The following ADAMTS17 variants were observed in gnomAD, a reference collection of about 807,000 sequenced individuals.
ADAMTS17 encodes ADAM metallopeptidase with thrombospondin type 1 motif 17.
Under a neutral mutation model 141.5 loss-of-function variants are expected in ADAMTS17, and 113 were observed. The ratio of observed to expected loss-of-function variants is 0.80; its 90% CI spans 0.69 to 0.93. The LOEUF (loss-of-function observed/expected upper bound fraction) is 0.93. ADAMTS17 is among the 40% of genes least tolerant of loss of function. ADAMTS17 has a pLI of 0.00. For missense variants in ADAMTS17, 1,659 were observed against 1,517.9 expected, an observed-to-expected ratio of 1.09 and a Z score of -1.54; for synonymous variants, 768 against 630.6, an observed-to-expected ratio of 1.22 and a Z score of -3.27.
chr15:100,258,124 G>GGAC (rs1415877031), intron 6 of ADAMTS17, among the ~76,000 whole-genome samples: 2 of 152,170 alleles, frequency 1.3e-5, no homozygotes, highest in Non-Finnish European at 2.9e-5. Flanking sequence ...ATCCATCAAT[G>GGAC]GACATATAGG....
chr15:100,090,270 G>T (rs997729160), intron 15 of ADAMTS17, among the ~76,000 whole-genome samples: 8 of 152,170 alleles, frequency 5.3e-5, no homozygotes, highest in Non-Finnish European at 1.0e-4. Flanking sequence ...ATCTTTTTCA[G>T]AGGAATCTCC....
At chr15:100,194,803 C>A (rs1378768964) in intron 8 of ADAMTS17, among the ~76,000 whole-genome samples, 1 of 152,172 alleles carries the variant, frequency 6.6e-6, no homozygotes, top group African/African-American at 2.4e-5. Flanking sequence ...CCCAGCTGGG[C>A]AGTTTCTCTC....
At chr15:100,071,012 GAA>G (rs2033930614) in intron 15 of ADAMTS17, among the ~76,000 whole-genome samples, 1 of 149,938 alleles carries the variant, frequency 6.7e-6, no homozygotes. Context: ...TAATAAAGAA[GAA>G]AAGAGACAAG....
chr15:100,161,646 C>T (rs1352717901), intron 8 of ADAMTS17, among the ~76,000 whole-genome samples: 2 of 152,160 alleles, frequency 1.3e-5, no homozygotes, highest in African/African-American at 4.8e-5. Flanking sequence ...AATTAACAGG[C>T]CAGCTCTGCA....
At chr15:100,228,022 C>A (rs562996665) in intron 7 of ADAMTS17, among the ~76,000 whole-genome samples, 2 of 152,200 alleles carry the variant, frequency 1.3e-5, no homozygotes, top group Admixed American at 6.5e-5. Context: ...ATAAAATCCA[C>A]GACGCTTTGT....
intron 8 of ADAMTS17, among the ~76,000 whole-genome samples, chr15:100,178,601 G>A (rs1372763596): frequency 6.6e-6 from 1 of 151,984 alleles, no homozygotes; most frequent in African/African-American, 2.4e-5. Context: ...CTATTGTTCT[G>A]TTGTTCTTTT....
intron 6 of ADAMTS17, among the ~76,000 whole-genome samples, chr15:100,257,501 G>A (rs766423434): frequency 7.9e-5 from 12 of 152,242 alleles, no homozygotes; most frequent in African/African-American, 1.9e-4. Flanking sequence ...GCTTCAAGGC[G>A]TCAGCCCAAA....
intron 4 of ADAMTS17, among the ~76,000 whole-genome samples, chr15:100,275,769 TC>T (rs2044059936): frequency 6.6e-6 from 1 of 151,708 alleles, no homozygotes; most frequent in South Asian, 2.1e-4. Context: ...AGTCACATCT[TC>T]CCTTGGGGCC....
chr15:100,208,094 C>A (rs973041698), intron 7 of ADAMTS17, among the ~76,000 whole-genome samples: 1 of 152,190 alleles, frequency 6.6e-6, no homozygotes, highest in Admixed American at 6.5e-5. Context: ...GCTCTGGAAG[C>A]TTCCAGGTCT....
At chr15:100,190,955 C>T (rs528190561) in intron 8 of ADAMTS17, among the ~76,000 whole-genome samples, 3 of 152,242 alleles carry the variant, frequency 2.0e-5, no homozygotes, top group South Asian at 2.1e-4. Context: ...CACATAGCGC[C>T]GTGGGAAGGG....
At chr15:100,318,929 G>C (rs997354389) in intron 3 of ADAMTS17, among the ~76,000 whole-genome samples, 1 of 152,250 alleles carries the variant, frequency 6.6e-6, no homozygotes, top group African/African-American at 2.4e-5. Context: ...CAGAGTTCAG[G>C]ATACCAGCGG....
chr15:100,334,642 C>A (rs1380151695), intron 2 of ADAMTS17, among the ~76,000 whole-genome samples: 1 of 152,242 alleles, frequency 6.6e-6, no homozygotes, highest in Non-Finnish European at 1.5e-5. Context: ...GAGGCTCCCC[C>A]ACGCAACACG....
intron 15 of ADAMTS17, among the ~76,000 whole-genome samples, chr15:100,075,317 C>G (rs2034291248): frequency 6.6e-6 from 1 of 152,160 alleles, no homozygotes; most frequent in Non-Finnish European, 1.5e-5. Context: ...CTGCCAGTTT[C>G]TCTAATAAAT....
chr15:100,338,560 G>A (rs2046273415), intron 2 of ADAMTS17, among the ~76,000 whole-genome samples: 1 of 152,198 alleles, frequency 6.6e-6, no homozygotes, highest in Admixed American at 6.5e-5. Context: ...TTGAGCAGCT[G>A]CAACAAAGGC....
At chr15:100,241,855 C>T (rs770408250) in intron 7 of ADAMTS17, among the ~76,000 whole-genome samples, 1 of 152,194 alleles carries the variant, frequency 6.6e-6, no homozygotes, top group Non-Finnish European at 1.5e-5. Flanking sequence ...TAATCCAAGT[C>T]GTCTATGCTA....
intron 7 of ADAMTS17, among the ~76,000 whole-genome samples, chr15:100,239,514 T>C (rs989115104): frequency 3.3e-5 from 5 of 151,928 alleles, no homozygotes; most frequent in African/African-American, 1.2e-4. Context: ...TGCTGGACTG[T>C]GTGGATGCCC....
At chr15:100,090,959 G>GAT (rs1474518630) in intron 15 of ADAMTS17, among the ~76,000 whole-genome samples, 1 of 141,350 alleles carries the variant, frequency 7.1e-6, no homozygotes, top group East Asian at 2.3e-4. Context: ...AATGAGCCGA[G>GAT]ATCGTGCCAC....
At chr15:100,180,247 T>C (rs1335216229) in intron 8 of ADAMTS17, among the ~76,000 whole-genome samples, 1 of 152,246 alleles carries the variant, frequency 6.6e-6, no homozygotes, top group African/African-American at 2.4e-5. Context: ...ATATCTAGTT[T>C]TCCCAGCCCC....
intron 7 of ADAMTS17, among the ~76,000 whole-genome samples, chr15:100,242,165 G>A (rs1432728800): frequency 1.3e-5 from 2 of 152,176 alleles, no homozygotes; most frequent in African/African-American, 4.8e-5. Flanking sequence ...TCTGACTCCG[G>A]AGGGTCACTC....
Sources: gnomAD v4.1 joint callset for allele counts (sites outside exome capture counted in the v4.1 genomes callset) on GRCh38, gnomAD v4.1.1 for gene constraint, MANE v1.5 for transcripts, NCBI Gene and HGNC (gene_info 2026-07-23, HGNC 2026-07-21) for gene names.